COLEC10: variants seen among roughly 807,000 people sequenced by gnomAD.
COLEC10 encodes collectin subfamily member 10, also known as collectin-10.
COLEC10 carries 22 observed loss-of-function variants against 28.4 expected under a neutral mutation model. That is an observed-to-expected ratio of 0.78 (90% CI 0.55 to 1.11). The LOEUF (loss-of-function observed/expected upper bound fraction) is 1.11. Among genes scored for constraint, COLEC10 ranks in the 50% least tolerant of loss-of-function variants. The pLI, the probability that COLEC10 is intolerant of heterozygous loss-of-function variation, is 0.00. For synonymous variants in COLEC10, 125 were observed against 116.1 expected, an observed-to-expected ratio of 1.08 and a Z score of -0.49; for missense variants, 361 against 344.1, an observed-to-expected ratio of 1.05 and a Z score of -0.39.
At chr8:119,031,251 G>A (rs1814282228) in intron 2 of COLEC10, among the ~76,000 whole-genome samples, 1 of 152,190 alleles carries the variant, frequency 6.6e-6, no homozygotes, top group African/African-American at 2.4e-5. Flanking sequence ...TGTTAAATCT[G>A]TCGTGTACAC....
At chr8:119,004,792 T>C (rs1469507264) in intron 1 of COLEC10, among the ~76,000 whole-genome samples, 3 of 151,850 alleles carry the variant, frequency 2.0e-5, no homozygotes, top group African/African-American at 7.3e-5. Flanking sequence ...CTATTTCTTA[T>C]ACTTTTGCTT....
intron 2 of COLEC10, among the ~76,000 whole-genome samples, chr8:119,060,273 TAACAG>T (rs1814832029): frequency 6.6e-6 from 1 of 152,120 alleles, no homozygotes. Flanking sequence ...GTCACTGTCT[TAACAG>T]AACAGAGAAT....
upstream of COLEC10, among the ~76,000 whole-genome samples, chr8:118,993,288 A>G (rs1813532716): frequency 1.3e-5 from 2 of 152,068 alleles, no homozygotes; most frequent in Admixed American, 6.6e-5. Flanking sequence ...TGGCTTGTAC[A>G]TAGATGTCTT....
intron 4 of COLEC10, 136 bp from the exon 5 acceptor site, chr8:119,103,664 A>G (rs771183786): frequency 3.6e-6 from 2 of 558,826 alleles, no homozygotes; most frequent in Non-Finnish European, 3.2e-6. Context: ...TAAATAAAAG[A>G]TTTAAAGTAT....
upstream of COLEC10, among the ~76,000 whole-genome samples, chr8:118,991,158 A>G (rs1407175437): frequency 1.3e-5 from 2 of 152,150 alleles, no homozygotes; most frequent in Admixed American, 6.6e-5. Flanking sequence ...CTGGAATTTC[A>G]CATATATCAT....
At chr8:118,998,870 T>TAAAAAAA (rs1813638995) in intron 1 of COLEC10, among the ~76,000 whole-genome samples, 1 of 105,526 alleles carries the variant, frequency 9.5e-6, no homozygotes, top group Non-Finnish European at 1.9e-5. Context: ...AAAAAAAAAT[T>TAAAAAAA]AACTTGGATA....
chr8:119,024,136 G>A (rs1814145855), intron 2 of COLEC10, among the ~76,000 whole-genome samples: 1 of 152,090 alleles, frequency 6.6e-6, no homozygotes, highest in Non-Finnish European at 1.5e-5. Context: ...CCACTCCTCT[G>A]GTTGGGTAGG....
At chr8:119,074,116 T>C (rs748773200) in intron 1 of COLEC10, among the ~76,000 whole-genome samples, 82 of 151,874 alleles carry the variant, frequency 5.4e-4, no homozygotes, top group Non-Finnish European at 8.1e-4. Context: ...CTCATGGAGA[T>C]AGAGAATAGA....
chr8:119,061,412 T>C (rs761421139), intron 2 of COLEC10, among the ~76,000 whole-genome samples: 1 of 149,974 alleles, frequency 6.7e-6, no homozygotes, highest in Non-Finnish European at 1.5e-5. Flanking sequence ...ATTAAGGCCA[T>C]ATCATTGAAA....
At chr8:119,015,108 T>C (rs1813967192) in intron 2 of COLEC10, among the ~76,000 whole-genome samples, 1 of 151,164 alleles carries the variant, frequency 6.6e-6, no homozygotes, top group Admixed American at 6.6e-5. Context: ...AAGTATGTTT[T>C]TGTCTTTTAG....
chr8:119,025,360 A>G (rs1168206729), intron 2 of COLEC10, among the ~76,000 whole-genome samples: 1 of 152,210 alleles, frequency 6.6e-6, no homozygotes, highest in African/African-American at 2.4e-5. Context: ...CACTCTGCTA[A>G]GAATAAACAA....
At chr8:119,071,954 T>C (rs1056940703) in intron 1 of COLEC10, among the ~76,000 whole-genome samples, 1 of 152,194 alleles carries the variant, frequency 6.6e-6, no homozygotes, top group East Asian at 1.9e-4. Flanking sequence ...CTGGGGGCCA[T>C]GGCCATTGTG....
At chr8:118,977,409 A>G in the COLEC10 span, among the ~76,000 whole-genome samples, 4 of 147,840 alleles carry the variant, frequency 2.7e-5, no homozygotes, top group Non-Finnish European at 4.5e-5. Flanking sequence ...ACCATGGAAT[A>G]CTATGCAGCC....
intron 2 of COLEC10, among the ~76,000 whole-genome samples, chr8:119,016,532 G>A (rs1306334765): frequency 6.6e-6 from 1 of 152,066 alleles, no homozygotes; most frequent in Non-Finnish European, 1.5e-5. Flanking sequence ...AATCCTTTGA[G>A]TATATACCCA....
At chr8:119,043,675 T>A (rs1814535896) in intron 2 of COLEC10, among the ~76,000 whole-genome samples, 1 of 152,268 alleles carries the variant, frequency 6.6e-6, no homozygotes, top group South Asian at 2.1e-4. Context: ...TTCATACTTA[T>A]TAAAATTTTA....
At chr8:119,014,756 T>G (rs145480417) in intron 2 of COLEC10, among the ~76,000 whole-genome samples, 1 of 151,280 alleles carries the variant, frequency 6.6e-6, no homozygotes, top group African/African-American at 2.5e-5. Context: ...TTTGTTTGCT[T>G]CTTTTTTGCT....
At chr8:118,999,593 T>TA (rs35277668) in intron 1 of COLEC10, among the ~76,000 whole-genome samples, 86,275 of 136,550 alleles carry the variant, frequency 0.63, 26,606 homozygotes, top group African/African-American at 0.79. Flanking sequence ...TCCATCTCAA[T>TA]AAAAAAAAAA....
intron 2 of COLEC10, among the ~76,000 whole-genome samples, chr8:119,030,580 A>G (rs1393476741): frequency 6.6e-6 from 1 of 152,170 alleles, no homozygotes; most frequent in East Asian, 1.9e-4. Context: ...ATGTGAATAT[A>G]AACAGGTTGC....
At chr8:119,035,646 G>A (rs1011785345) in intron 2 of COLEC10, among the ~76,000 whole-genome samples, 1 of 152,222 alleles carries the variant, frequency 6.6e-6, no homozygotes, top group Admixed American at 6.5e-5. Context: ...GACCACCACA[G>A]AGTTCAGAGA....
Sources: gnomAD v4.1 joint callset for allele counts (sites outside exome capture counted in the v4.1 genomes callset) on GRCh38, gnomAD v4.1.1 for gene constraint, MANE v1.5 for transcripts, NCBI Gene and HGNC (gene_info 2026-07-23, HGNC 2026-07-21) for gene names.